RFX3: variants seen among roughly 807,000 people sequenced by gnomAD.
RFX3 encodes transcription factor RFX3.
RFX3 carries 14 observed loss-of-function variants against 98.6 expected under a neutral mutation model. The ratio of observed to expected loss-of-function variants is 0.14; its 90% CI spans 0.09 to 0.22. RFX3 has a LOEUF of 0.22. Ranked by LOEUF, RFX3 falls within the 10% of genes least tolerant of loss-of-function variation. The pLI is 1.00. For missense variants in RFX3, 639 were observed against 926.9 expected (o/e 0.69, Z 4.03); for synonymous variants, 383 against 328.4 (o/e 1.17, Z -1.80).
At chr9:3,515,176 C>T (rs79440011) in intron 1 of RFX3, among the ~76,000 whole-genome samples, 24 of 152,266 alleles carry the variant, frequency 1.6e-4, no homozygotes, top group African/African-American at 5.1e-4. Context: ...TGTTACCTTG[C>T]TTATGAACTA....
chr9:3,424,452 C>A (rs1019231407), intron 1 of RFX3, among the ~76,000 whole-genome samples: 4 of 146,932 alleles, frequency 2.7e-5, no homozygotes, highest in African/African-American at 1.0e-4. Flanking sequence ...AGCTCCGCCT[C>A]CCGGGTTCAC....
At position 3,247,545 on chromosome 9, in the gene RFX3, T is replaced by C. The variant is rs547317591; in HGVS notation, c.1968+487A>G. On this transcript the variant is annotated intron_variant, in intron 15 of 16. Transcript: ENST00000617270. ...TTATTACATGTAAAAAACATAGAAC[T>C]GTGCCTCGCACATAGTAAGTGTCCA... 7.7e-6 allele frequency: 8 copies of C among 1,032,974 alleles called. No homozygotes were observed. In the African/African-American group the frequency reaches 1.2e-4, roughly 15 times the overall value. The allele number at this position is 1,032,974 out of a possible 1,614,324, so 64.0% of individuals were successfully genotyped here. A position where few individuals can be genotyped will look rare whatever the true frequency, so the allele number is the denominator to read the frequency against.
At chr9:3,447,129 A>C (rs1240259060) in intron 1 of RFX3, among the ~76,000 whole-genome samples, 1 of 152,094 alleles carries the variant, frequency 6.6e-6, no homozygotes, top group Non-Finnish European at 1.5e-5. Flanking sequence ...CACCTTGATA[A>C]TTTTCTTCTA....
rs566710802 is a variant in RFX3 at position 3,431,448 on chromosome 9, T to C, written c.-8-35852A>G. Among the ~76,000 whole-genome samples, 4 of 152,094 alleles carry C rather than the reference T, an allele frequency of 2.6e-5. No homozygotes were observed. In the East Asian group the frequency reaches 7.7e-4, roughly 29 times the overall value. On this transcript the variant is annotated intron_variant, in intron 1 of 16. Coordinates refer to ENST00000617270, the MANE Select transcript of RFX3 (RefSeq NM_001282116.2). ...CAGTACCAAAGGCATGAACACAGCA[T>C]AAGAATGATTTAAAAAAAAGAAAAG...
intron 3 of RFX3, among the ~76,000 whole-genome samples, chr9:3,338,297 AC>A (rs1833432212): frequency 6.6e-6 from 1 of 152,258 alleles, no homozygotes; most frequent in Non-Finnish European, 1.5e-5. Context: ...AAAGTAAAAA[AC>A]AAAAAGCATT....
Position 3,525,120 on chromosome 9 carries a change from C to G in RFX3, c.-9+627G>C, listed in dbSNP as rs1011578263. On this transcript the variant is annotated intron_variant, in intron 1 of 16. Coordinates refer to ENST00000617270, the MANE Select transcript of RFX3 (RefSeq NM_001282116.2). Reference sequence around the variant, plus strand: ...TGATGATGGTGAAAGAAGAGCAGCCCATTCAGCACCAGGCAAAGAGGGGCA... The same window carrying G: ...TGATGATGGTGAAAGAAGAGCAGCCGATTCAGCACCAGGCAAAGAGGGGCA... Among the ~76,000 whole-genome samples, 7 of 151,854 alleles carry G rather than the reference C, an allele frequency of 4.6e-5. No individual in the cohort carries two copies. In the East Asian group the frequency reaches 1.4e-3, roughly 29 times the overall value.
chr9:3,307,269 C>G (rs1310135549), intron 4 of RFX3, among the ~76,000 whole-genome samples: 1 of 152,034 alleles, frequency 6.6e-6, no homozygotes, highest in Non-Finnish European at 1.5e-5. Flanking sequence ...TGATAAGGTT[C>G]CTTTAGGGAT....
intron 4 of RFX3, among the ~76,000 whole-genome samples, chr9:3,311,395 C>G (rs1383935274): frequency 6.6e-6 from 1 of 152,214 alleles, no homozygotes. Context: ...GTAGCCACCA[C>G]TCACACCTGT....
At chr9:3,338,616 C>A (rs1362109724) in intron 3 of RFX3, among the ~76,000 whole-genome samples, 2 of 152,168 alleles carry the variant, frequency 1.3e-5, no homozygotes, top group South Asian at 4.1e-4. Flanking sequence ...CTAGGTCCCA[C>A]CCCTAAAGTT....
rs140322459 is a variant in RFX3, at chr9:3,360,877, T to C, written c.118-14113A>G. On this transcript the variant is annotated intron_variant, in intron 2 of 16. Coordinates refer to ENST00000617270, the MANE Select transcript of RFX3 (RefSeq NM_001282116.2). ...ACCTCAAAACAGAAATCCTTTTCAA[T>C]AGTAAATGAGTTCATTTATAATTGT... Among the ~76,000 whole-genome samples the C allele has an allele frequency of 2.4e-3, 364 of 152,302 alleles. 1 individual carries two copies. The highest frequency in any genetic ancestry group is 8.4e-3 in the African/African-American group (348 of 41,574).
chr9:3,281,520 G>C (rs1825912715), intron 7 of RFX3, among the ~76,000 whole-genome samples: 1 of 151,540 alleles, frequency 6.6e-6, no homozygotes, highest in Admixed American at 6.6e-5. Flanking sequence ...CTCTTTCATT[G>C]AGTGTGCTCT....
intron 1 of RFX3, among the ~76,000 whole-genome samples, chr9:3,472,689 T>C (rs181048318): frequency 3.3e-5 from 5 of 152,196 alleles, no homozygotes; most frequent in Admixed American, 6.5e-5. Flanking sequence ...AAATCAGATA[T>C]GTAGCAACCA....
chr9:3,468,969 T>A (rs2133190876), intron 1 of RFX3, among the ~76,000 whole-genome samples: 1 of 152,238 alleles, frequency 6.6e-6, no homozygotes, highest in East Asian at 1.9e-4. Context: ...CATTTAATAT[T>A]TTTTAAAACT....
At chr9:3,378,254 C>T (rs1838766366) in intron 2 of RFX3, among the ~76,000 whole-genome samples, 1 of 152,116 alleles carries the variant, frequency 6.6e-6, no homozygotes, top group Non-Finnish European at 1.5e-5. Flanking sequence ...TCATTCTGCC[C>T]TTTTCTTGTT....
chr9:3,399,948 CAA>C (rs61409115), intron 1 of RFX3, among the ~76,000 whole-genome samples: 12 of 95,806 alleles, frequency 1.3e-4, no homozygotes, highest in Admixed American at 2.3e-4. Flanking sequence ...GACTCCGTCT[CAA>C]AAAAAAAAAA....
At chr9:3,429,083 C>T (rs1056801610) in intron 1 of RFX3, among the ~76,000 whole-genome samples, 3 of 147,624 alleles carry the variant, frequency 2.0e-5, no homozygotes, top group Admixed American at 6.8e-5. Context: ...AGTGCGGTGG[C>T]GCGATCTCGG....
intron 1 of RFX3, among the ~76,000 whole-genome samples, chr9:3,446,510 G>T (rs1846066320): frequency 1.3e-5 from 2 of 151,882 alleles, no homozygotes; most frequent in African/African-American, 4.8e-5. Context: ...ACCTTTCTGT[G>T]ACCTCCTCCC....
chr9:3,501,263 C>G (rs540402076), intron 1 of RFX3, among the ~76,000 whole-genome samples: 3 of 152,102 alleles, frequency 2.0e-5, no homozygotes, highest in African/African-American at 7.2e-5. Context: ...GTAAATGTTG[C>G]CAAATAGAAC....
intron 4 of RFX3, chr9:3,323,931 G>A (rs1831593517): frequency 3.0e-6 from 1 of 332,228 alleles, no homozygotes. Flanking sequence ...ACAGCTGAAT[G>A]GAATACAGAT....
Sources: gnomAD v4.1 joint callset for allele counts (sites outside exome capture counted in the v4.1 genomes callset) on GRCh38, gnomAD v4.1.1 for gene constraint, MANE v1.5 for transcripts, NCBI Gene and HGNC (gene_info 2026-07-23, HGNC 2026-07-21) for gene names.